Variants in CDC42SE2 observed in about 807,000 individuals in gnomAD.
The protein encoded by CDC42SE2 is CDC42 small effector 2.
A neutral mutation model predicts 11.5 loss-of-function variants in CDC42SE2; 3 were observed. The ratio of observed to expected loss-of-function variants is 0.26; its 90% confidence interval spans 0.12 to 0.67. The LOEUF is 0.67. CDC42SE2 is among the 30% of genes least tolerant of loss of function. The pLI, the probability that CDC42SE2 is intolerant of heterozygous loss-of-function variation, is 0.80. For missense variants in CDC42SE2, 82 were observed against 106.8 expected (o/e 0.77, Z 1.02); for synonymous variants, 33 against 34.8 (o/e 0.95, Z 0.18).
At chr5:131,242,315 G>A (rs1756546565), upstream of CDC42SE2, among the ~76,000 whole-genome samples, 1 of 152,174 alleles carries the variant, frequency 6.6e-6, no homozygotes, top group Admixed American at 6.6e-5. Flanking sequence ...GGTGACGTTT[G>A]TAGTAAATTG....
chr5:131,243,094 G>T (rs1189312064), upstream of CDC42SE2, among the ~76,000 whole-genome samples: 1 of 152,144 alleles, frequency 6.6e-6, no homozygotes, highest in Admixed American at 6.5e-5. Flanking sequence ...GTAATCTTAT[G>T]ACTCATTTTT....
Position 131,257,178 on chromosome 5 carries a change from G to A in CDC42SE2, n.242+1949G>A, listed in dbSNP as rs111620366. 6.3e-3 allele frequency among the ~76,000 whole-genome samples: 953 copies of A among 152,276 alleles called. 9 individuals are homozygous for A. The highest frequency in any genetic ancestry group is 0.022 in the African/African-American group (908 of 41,552). ...CAGTAACACTTGCTGGGGGAGGAGT[G>A]TAGATGGGTGTGAAGAATCCTGGTT... On this transcript the variant is annotated intron_variant and non_coding_transcript_variant, in intron 2 of 3. Coordinates refer to the CDC42SE2 transcript ENST00000502840.
At chr5:131,237,645 C>T in the CDC42SE2 span, among the ~76,000 whole-genome samples, 1 of 152,192 alleles carries the variant, frequency 6.6e-6, no homozygotes, top group East Asian at 1.9e-4. Flanking sequence ...GTGGCACGAG[C>T]ATAGCTTACT....
intron 1 of CDC42SE2, among the ~76,000 whole-genome samples, chr5:131,277,038 C>A (rs765601238): frequency 6.6e-6 from 1 of 152,134 alleles, no homozygotes; most frequent in Non-Finnish European, 1.5e-5. Flanking sequence ...CCGCACTTGG[C>A]GACCATTATA....
chr5:131,290,226 A>G (rs976519019), intron 1 of CDC42SE2, among the ~76,000 whole-genome samples: 34 of 152,156 alleles, frequency 2.2e-4, no homozygotes, highest in African/African-American at 8.0e-4. Flanking sequence ...GGATACGTCA[A>G]TTTTAGAAGA....
chr5:131,247,084 T>G (rs1350674128), intron 1 of CDC42SE2, among the ~76,000 whole-genome samples: 4 of 152,128 alleles, frequency 2.6e-5, no homozygotes. Context: ...CCATTTCATT[T>G]TGTAGATTTT....
At chr5:131,378,493 A>G (rs1038428965) in intron 3 of CDC42SE2, among the ~76,000 whole-genome samples, 24 of 152,310 alleles carry the variant, frequency 1.6e-4, no homozygotes, top group African/African-American at 5.5e-4. Context: ...AAACTAATGT[A>G]GCTTATTTCA....
intron 2 of CDC42SE2, among the ~76,000 whole-genome samples, chr5:131,355,256 T>A (rs1243318345): frequency 6.6e-6 from 1 of 152,150 alleles, no homozygotes; most frequent in Non-Finnish European, 1.5e-5. Context: ...AGTATTTCAT[T>A]TTATAACTAA....
chr5:131,245,618 T>A (rs1229049146), intron 1 of CDC42SE2: 1 of 152,238 alleles, frequency 6.6e-6, no homozygotes. Flanking sequence ...TTAATGTTAT[T>A]CTCATAATGT....
At chr5:131,311,088 C>G (rs1757898885) in intron 1 of CDC42SE2, among the ~76,000 whole-genome samples, 1 of 151,732 alleles carries the variant, frequency 6.6e-6, no homozygotes, top group South Asian at 2.1e-4. Context: ...ACCAGTTTTT[C>G]CTTTCCATGT....
At chr5:131,370,522 T>G (rs1749988136) in intron 3 of CDC42SE2, among the ~76,000 whole-genome samples, 1 of 151,952 alleles carries the variant, frequency 6.6e-6, no homozygotes. Flanking sequence ...AGGGTCTTGC[T>G]TTGTTGCCCA....
At chr5:131,360,211 C>G (rs565147000) in intron 3 of CDC42SE2, among the ~76,000 whole-genome samples, 1 of 152,248 alleles carries the variant, frequency 6.6e-6, no homozygotes, top group African/African-American at 2.4e-5. Context: ...ACTTCCGCCT[C>G]CTGGGTTCAA....
rs549366859 is a variant in CDC42SE2 at position 131,340,132 on chromosome 5, C to T, written c.-285-19077C>T. ...AGAATTCTATACTTCGCTAAACTGT[C>T]GTGCAAGAATAAAGGAAAAAATACA... On this transcript the variant is annotated intron_variant, in intron 2 of 4. Coordinates refer to ENST00000505065, the MANE Select transcript of CDC42SE2 (RefSeq NM_001375635.1). Among the ~76,000 whole-genome samples the T allele has an allele frequency of 5.3e-5, 8 of 152,176 alleles. No individual in the cohort carries two copies. In the South Asian group the frequency reaches 6.2e-4, roughly 12 times the overall value.
intron 1 of CDC42SE2, among the ~76,000 whole-genome samples, chr5:131,268,516 A>G (rs1392347067): frequency 6.6e-6 from 1 of 150,682 alleles, no homozygotes; most frequent in Non-Finnish European, 1.5e-5. Flanking sequence ...GAAATGGTAC[A>G]ATCTTGGCTC....
At chr5:131,330,667 A>G (rs1445790221) in intron 2 of CDC42SE2, among the ~76,000 whole-genome samples, 1 of 152,064 alleles carries the variant, frequency 6.6e-6, no homozygotes, top group Non-Finnish European at 1.5e-5. Flanking sequence ...ATAGAGGCCA[A>G]GGATGCTGCT....
intron 4 of CDC42SE2, among the ~76,000 whole-genome samples, chr5:131,386,451 T>C (rs1039603933): frequency 1.3e-5 from 2 of 152,330 alleles, no homozygotes; most frequent in South Asian, 2.1e-4. Context: ...GCACTAAGCA[T>C]AGGATTAGAA....
chr5:131,349,360 G>A (rs1758942433), intron 2 of CDC42SE2, among the ~76,000 whole-genome samples: 1 of 150,676 alleles, frequency 6.6e-6, no homozygotes, highest in Non-Finnish European at 1.5e-5. Flanking sequence ...GGAGGGAGAA[G>A]GGATAGCATT....
At chr5:131,291,857 G>A (rs1757463765) in intron 1 of CDC42SE2, among the ~76,000 whole-genome samples, 1 of 152,138 alleles carries the variant, frequency 6.6e-6, no homozygotes, top group African/African-American at 2.4e-5. Flanking sequence ...AATAGACAAG[G>A]TTGTACATAT....
the CDC42SE2 span, among the ~76,000 whole-genome samples, chr5:131,232,352 G>T: frequency 6.6e-6 from 1 of 152,110 alleles, no homozygotes; most frequent in Admixed American, 6.5e-5. Context: ...GAGCTCAAGT[G>T]ATCTGCCCAT....
Sources: allele counts gnomAD v4.1 joint callset (sites outside exome capture counted in the v4.1 genomes callset), GRCh38; gene constraint gnomAD v4.1.1; transcripts MANE v1.5; gene names NCBI Gene and HGNC (gene_info 2026-07-23, HGNC 2026-07-21).